FOXP1: variants seen among roughly 807,000 people sequenced by gnomAD.
FOXP1 encodes the protein forkhead box protein P1.
FOXP1 carries 15 observed loss-of-function variants against 98.2 expected under a neutral mutation model. The observed-to-expected ratio is 0.15, with a 90% CI of 0.10 to 0.24. The LOEUF is 0.24. Among genes scored for constraint, FOXP1 ranks in the 10% least tolerant of loss-of-function variants. FOXP1 has a pLI of 1.00. For synonymous variants in FOXP1, 371 were observed against 314.5 expected (o/e 1.18, Z -1.90); for missense variants, 633 against 848.5 (o/e 0.75, Z 3.15).
intron 3 of FOXP1, among the ~76,000 whole-genome samples, chr3:71,449,839 AT>A (rs755882003): frequency 1.0e-3 from 155 of 152,336 alleles, no homozygotes; most frequent in Middle Eastern, 3.4e-3. Context: ...CACAAAGTTT[AT>A]TTTTAGAAAA....
chr3:70,956,087 G>C lies in FOXP1; in HGVS notation c.*3160C>G, dbSNP rs1332568595. 4.3e-6 allele frequency: 1 copy of C among 232,584 alleles called. No homozygotes were observed. Among genetic ancestry groups the C allele is most frequent in the Non-Finnish European group, 8.5e-6 (1 of 117,912 alleles). The allele number at this position is 232,584 out of a possible 1,614,324, so 14.4% of individuals were successfully genotyped here. On this transcript the variant is annotated 3_prime_UTR_variant, in exon 21 of 21. Coordinates refer to ENST00000649528, the MANE Select transcript of FOXP1 (RefSeq NM_001349338.3). ...TCCAAAGCTATTTTTTTTTAGTATC[G>C]TTAATATAAAGCAGTTGCACAAAAA... is the stretch of plus-strand genomic sequence containing the variant.
intron 2 of FOXP1, among the ~76,000 whole-genome samples, chr3:71,548,432 G>A (rs934925535): frequency 3.9e-5 from 6 of 152,054 alleles, no homozygotes; most frequent in African/African-American, 1.5e-4. Context: ...TTAAGACAGG[G>A]TCTTGTACCG....
chr3:71,364,612 C>G (rs1430062672), intron 3 of FOXP1, among the ~76,000 whole-genome samples: 1 of 152,086 alleles, frequency 6.6e-6, no homozygotes, highest in Non-Finnish European at 1.5e-5. Context: ...TTGTCTGCTG[C>G]TATTATAAAA....
At chr3:71,114,847 G>A (rs557984403) in intron 6 of FOXP1, among the ~76,000 whole-genome samples, 2 of 152,276 alleles carry the variant, frequency 1.3e-5, no homozygotes, top group East Asian at 1.9e-4. Flanking sequence ...ACTGGACTCC[G>A]GGTTTCCTTG....
At chr3:71,197,786 T>A (rs1482467531) in intron 6 of FOXP1, 1 of 1,212,016 alleles carries the variant, frequency 8.3e-7, no homozygotes, top group Non-Finnish European at 1.2e-6. Context: ...TCTACTCTTT[T>A]TCTCTCTTTT....
intron 3 of FOXP1, among the ~76,000 whole-genome samples, chr3:71,385,665 C>T (rs1419695100): frequency 2.0e-5 from 3 of 152,180 alleles, no homozygotes; most frequent in African/African-American, 4.8e-5. Context: ...TAAATATGTA[C>T]ATGAATATGT....
chr3:71,260,698 A>T (rs2069055808), intron 5 of FOXP1, among the ~76,000 whole-genome samples: 1 of 151,914 alleles, frequency 6.6e-6, no homozygotes, highest in Non-Finnish European at 1.5e-5. Flanking sequence ...GCACGTCACC[A>T]TGCCTGGCTA....
chr3:71,052,170 GA>G (rs796723747), intron 9 of FOXP1, among the ~76,000 whole-genome samples: 10,312 of 139,544 alleles, frequency 0.074, 1,200 homozygotes, highest in African/African-American at 0.25. Flanking sequence ...GTGAGCTGGG[GA>G]AAAAAAAAAA....
At chr3:71,087,851 T>C (rs1006028883) in intron 7 of FOXP1, among the ~76,000 whole-genome samples, 6 of 152,220 alleles carry the variant, frequency 3.9e-5, no homozygotes, top group Non-Finnish European at 7.3e-5. Flanking sequence ...GGGCTTGTTA[T>C]ATTATGCAAA....
At chr3:70,985,908 T>C (rs978879654) in intron 14 of FOXP1, among the ~76,000 whole-genome samples, 1 of 152,198 alleles carries the variant, frequency 6.6e-6, no homozygotes, top group African/African-American at 2.4e-5. Flanking sequence ...TGGACTTCTT[T>C]GCAAAAGAAA....
At chr3:71,443,925 C>A (rs1025299765) in intron 3 of FOXP1, among the ~76,000 whole-genome samples, 1 of 152,138 alleles carries the variant, frequency 6.6e-6, no homozygotes, top group East Asian at 1.9e-4. Context: ...TTCTATGAGA[C>A]CCCCAAAGGC....
intron 4 of FOXP1, among the ~76,000 whole-genome samples, chr3:71,303,474 A>C (rs908588659): frequency 1.3e-5 from 2 of 152,184 alleles, no homozygotes; most frequent in African/African-American, 4.8e-5. Context: ...GCCTGTACTC[A>C]TTTGCAAAAA....
chr3:70,992,153 A>G (rs2040700462), intron 13 of FOXP1, among the ~76,000 whole-genome samples: 1 of 152,220 alleles, frequency 6.6e-6, no homozygotes, highest in Admixed American at 6.5e-5. Context: ...TCCAACAGTG[A>G]GGCTTGGAAG....
At chr3:71,581,029 A>G in intron 2 of FOXP1, 1 of 982,188 alleles carries the variant, frequency 1.0e-6, no homozygotes, top group African/African-American at 1.7e-5. Context: ...TATTAATTTC[A>G]TTATTCTGCC....
chr3:71,087,174 G>T (rs2107571697), intron 7 of FOXP1, among the ~76,000 whole-genome samples: 1 of 152,318 alleles, frequency 6.6e-6, no homozygotes, highest in South Asian at 2.1e-4. Context: ...CAAGAGCTGT[G>T]CAGGCCCTGA....
intron 3 of FOXP1, among the ~76,000 whole-genome samples, chr3:71,371,510 G>A (rs2079312080): frequency 6.6e-6 from 1 of 152,190 alleles, no homozygotes; most frequent in South Asian, 2.1e-4. Context: ...TCCAGGCTGG[G>A]TGCAGTGACT....
At chr3:71,340,416 T>C (rs1004765995) in intron 4 of FOXP1, among the ~76,000 whole-genome samples, 1 of 152,230 alleles carries the variant, frequency 6.6e-6, no homozygotes, top group African/African-American at 2.4e-5. Flanking sequence ...TTTCTGTATT[T>C]TGGGGGGAAA....
intron 3 of FOXP1, among the ~76,000 whole-genome samples, chr3:71,425,137 A>G (rs1479177905): frequency 1.3e-5 from 2 of 151,870 alleles, no homozygotes; most frequent in Non-Finnish European, 2.9e-5. Context: ...TTTGTATGAG[A>G]CAGGGTCTCA....
In FOXP1 at chr3:70,980,819, G is replaced by A. The variant is rs186543979; in HGVS notation, c.1147-2790C>T. ...GAAGCGCTTACCATCAAACACATAC[G>A]TCAGTCAAAGGGCAAAGGTACACAG... On this transcript the variant is annotated intron_variant, in intron 14 of 20. Transcript: ENST00000649528. Among the ~76,000 whole-genome samples, 5 of 152,282 alleles carry A rather than the reference G, an allele frequency of 3.3e-5. No homozygotes were observed. In the East Asian group the frequency reaches 7.7e-4, roughly 23 times the overall value.
Sources: allele counts gnomAD v4.1 joint callset (sites outside exome capture counted in the v4.1 genomes callset), GRCh38; gene constraint gnomAD v4.1.1; transcripts MANE v1.5; gene names NCBI Gene and HGNC (gene_info 2026-07-23, HGNC 2026-07-21).